Variants in PCDH11X observed in about 807,000 individuals in gnomAD.
The protein encoded by PCDH11X is protocadherin 11 X-linked.
In PCDH11X, 18 loss-of-function variants were observed where a neutral mutation model predicts 53.3. The observed-to-expected ratio is 0.34, with a 90% CI of 0.23 to 0.50. The LOEUF (loss-of-function observed/expected upper bound fraction) is 0.50, where lower values mean the gene tolerates loss of function less well. Ranked by LOEUF, PCDH11X falls within the 20% of genes least tolerant of loss-of-function variation. PCDH11X has a pLI of 0.98. For synonymous variants in PCDH11X, 279 were observed against 393.3 expected (o/e 0.71, Z 3.44); for missense variants, 570 against 1,032.4 (o/e 0.55, Z 6.14).
In PCDH11X at chrX:92,150,412, C is replaced by T. The variant is rs763018514; in HGVS notation, c.3034-50963C>T. On this transcript the variant is annotated intron_variant, in intron 6 of 10. Coordinates refer to ENST00000682573, the MANE Select transcript of PCDH11X (RefSeq NM_032968.5). Reference sequence around the variant, plus strand: ...TTTTTTTTGGTAAAATGTCTGTTTACTTTTTTCCCATTTCCTCATTGAGTT... The same window carrying T: ...TTTTTTTTGGTAAAATGTCTGTTTATTTTTTTCCCATTTCCTCATTGAGTT... Among the ~76,000 whole-genome samples, 3 of 108,855 alleles carry T rather than the reference C, an allele frequency of 2.8e-5. No homozygotes were observed. In the East Asian group the frequency reaches 8.6e-4, roughly 31 times the overall value. The allele number at this position is 108,855 out of a possible 115,157, so 94.5% of individuals were successfully genotyped here. A position where few individuals can be genotyped will look rare whatever the true frequency, so the allele number is the denominator to read the frequency against.
rs2062064981 is a variant in PCDH11X at position 91,977,703 on chromosome X, C to G, written c.3033+98430C>G. On this transcript the variant is annotated intron_variant, in intron 6 of 10. Coordinates refer to ENST00000682573, the MANE Select transcript of PCDH11X (RefSeq NM_032968.5). ...TGCCATAATTTACAATGTCATCACCCTTTCTCCTACATATGATCTAAAAAA... is the reference window on the plus strand; with the variant it reads ...TGCCATAATTTACAATGTCATCACCGTTTCTCCTACATATGATCTAAAAAA... 3.6e-5 allele frequency among the ~76,000 whole-genome samples: 4 copies of G among 111,106 alleles called. No homozygotes were observed. The South Asian group carries it at 1.5e-3, about 43-fold the overall frequency.
chrX:92,122,315 A>C (rs748965608), intron 6 of PCDH11X, among the ~76,000 whole-genome samples: 1 of 111,244 alleles, frequency 9.0e-6, no homozygotes, highest in Non-Finnish European at 1.9e-5. Context: ...ATCCAACCAC[A>C]ATGTTAACCA....
chrX:92,500,264 C>G (rs2073938226), intron 10 of PCDH11X, among the ~76,000 whole-genome samples: 1 of 111,621 alleles, frequency 9.0e-6, no homozygotes, highest in Non-Finnish European at 1.9e-5. Context: ...GATATCTCTA[C>G]TTAACAGAGT....
At chrX:92,426,851 G>C (rs1206568671) in intron 9 of PCDH11X, among the ~76,000 whole-genome samples, 3 of 110,851 alleles carry the variant, frequency 2.7e-5, no homozygotes, top group East Asian at 5.7e-4. Flanking sequence ...TATAAACATA[G>C]CAATTTAGAT....
chrX:91,961,590 A>T (rs1039887654), intron 6 of PCDH11X, among the ~76,000 whole-genome samples: 5 of 110,507 alleles, frequency 4.5e-5, no homozygotes, highest in African/African-American at 1.7e-4. Context: ...TAGAATGAAT[A>T]AACGAATTCA....
At chrX:92,266,143 T>C (rs950929820) in intron 8 of PCDH11X, among the ~76,000 whole-genome samples, 14 of 111,977 alleles carry the variant, frequency 1.3e-4, no homozygotes, top group Middle Eastern at 4.3e-3. Context: ...TTCAAGAAGC[T>C]ATAAACTTTA....
chrX:92,331,372 T>TTCCTCCTCCTCCTCCTCCTCCTCC (rs778767931), intron 8 of PCDH11X, among the ~76,000 whole-genome samples: 2 of 83,405 alleles, frequency 2.4e-5, no homozygotes, highest in African/African-American at 9.2e-5. Flanking sequence ...CCTCCTCCTT[T>TTCCTCCTCCTCCTCCTCCTCCTCC]TCCTCCTCCT....
intron 6 of PCDH11X, among the ~76,000 whole-genome samples, chrX:92,148,518 C>T (rs774856193): frequency 3.5e-3 from 381 of 107,615 alleles, no homozygotes; most frequent in Admixed American, 6.5e-3. Context: ...TGAGCCACTG[C>T]GTCGGCCTGA....
At chrX:92,340,768 C>T (rs1259098226) in intron 8 of PCDH11X, among the ~76,000 whole-genome samples, 1 of 112,220 alleles carries the variant, frequency 8.9e-6, no homozygotes, top group African/African-American at 3.2e-5. Context: ...TCTGAAATGC[C>T]TCCAAGGCCT....
intron 9 of PCDH11X, among the ~76,000 whole-genome samples, chrX:92,400,092 TATACGTCACCCATGTC>T (rs1386473516): frequency 8.4e-5 from 9 of 107,047 alleles, no homozygotes; most frequent in Non-Finnish European, 1.7e-4. Context: ...GCACTCCATT[TATACGTCACCCATGTC>T]ATCTAGGTGA....
intron 6 of PCDH11X, among the ~76,000 whole-genome samples, chrX:92,126,482 G>A (rs2064864355): frequency 1.8e-5 from 2 of 110,213 alleles, no homozygotes; most frequent in East Asian, 2.9e-4. Flanking sequence ...GGTGGCGCAT[G>A]CCTGTAATCC....
intron 7 of PCDH11X, among the ~76,000 whole-genome samples, chrX:92,232,122 T>G (rs184457096): frequency 8.9e-6 from 1 of 112,363 alleles, no homozygotes; most frequent in Non-Finnish European, 1.9e-5. Flanking sequence ...GCAGCCATTA[T>G]TATTGCGTTA....
intron 10 of PCDH11X, among the ~76,000 whole-genome samples, chrX:92,521,416 G>A (rs750938290): frequency 3.6e-5 from 4 of 110,904 alleles, no homozygotes; most frequent in East Asian, 2.8e-4. Flanking sequence ...TTTCTCAGCC[G>A]CAGATCTAAA....
At chrX:91,898,857 C>T (rs182396496) in intron 6 of PCDH11X, among the ~76,000 whole-genome samples, 2,141 of 110,105 alleles carry the variant, frequency 0.019, 23 homozygotes, top group Middle Eastern at 0.033. Context: ...GCTTTCCTAT[C>T]TAATATATCT....
intron 6 of PCDH11X, among the ~76,000 whole-genome samples, chrX:92,080,457 A>G (rs1409569357): frequency 9.0e-6 from 1 of 111,575 alleles, no homozygotes; most frequent in Admixed American, 9.6e-5. Context: ...AAATGAGAAC[A>G]ATACCTTAGC....
At chrX:91,918,938 C>G (rs1239610362) in intron 6 of PCDH11X, among the ~76,000 whole-genome samples, 1 of 110,977 alleles carries the variant, frequency 9.0e-6, no homozygotes, top group African/African-American at 3.3e-5. Flanking sequence ...ATGCATGTAC[C>G]ATCAGTACTT....
intron 6 of PCDH11X, among the ~76,000 whole-genome samples, chrX:91,902,516 A>G (rs1437734573): frequency 3.9e-5 from 4 of 102,642 alleles, no homozygotes; most frequent in Non-Finnish European, 7.9e-5. Context: ...TAATTTTCTT[A>G]GAGTTATATC....
chrX:92,514,957 A>G lies in PCDH11X; in HGVS notation c.3367+46635A>G, dbSNP rs35251502. The stretch of plus-strand genomic sequence containing the variant: ...AGCTACTCGGGAGGCTGAGGCAGGA[A>G]AATGGCGTGAACCCGGGAGGCGGAG... On this transcript the variant is annotated intron_variant, in intron 10 of 10. Coordinates refer to ENST00000682573, the MANE Select transcript of PCDH11X (RefSeq NM_032968.5). Among the ~76,000 whole-genome samples, 163 of 97,664 alleles carry G rather than the reference A, an allele frequency of 1.7e-3. 1 individual carries two copies. Among genetic ancestry groups the G allele is most frequent in the African/African-American group, 5.9e-3 (155 of 26,382 alleles). 84.8% of individuals were successfully genotyped at this position (97,664 alleles called of 115,157 possible). A position where few individuals can be genotyped will look rare whatever the true frequency, so the allele number is the denominator to read the frequency against.
rs755266315 is a variant in PCDH11X, at chrX:92,481,552, G to A, written c.3367+13230G>A. On this transcript the variant is annotated intron_variant, in intron 10 of 10. Transcript: ENST00000682573. ...TCCCCAGGGCACCAGAGGTTGCACC[G>A]CAAAGAGGCAGAGTCAGGCTGGGCC... Among the ~76,000 whole-genome samples, 874 of 109,622 alleles carry A rather than the reference G, an allele frequency of 8.0e-3. 10 individuals are homozygous for A. Among genetic ancestry groups the A allele is most frequent in the African/African-American group, 0.026 (788 of 30,073 alleles).
Sources: allele counts gnomAD v4.1 joint callset (sites outside exome capture counted in the v4.1 genomes callset), GRCh38; gene constraint gnomAD v4.1.1; transcripts MANE v1.5; gene names NCBI Gene and HGNC (gene_info 2026-07-23, HGNC 2026-07-21).